Variants in SCNN1D observed in about 807,000 individuals in gnomAD.
SCNN1D encodes sodium channel epithelial 1 subunit delta.
A neutral mutation model predicts 87.8 loss-of-function variants in SCNN1D; 104 were observed. That is an observed-to-expected ratio of 1.18 (90% confidence interval 1.01 to 1.39). The LOEUF (loss-of-function observed/expected upper bound fraction) is 1.39. Ranked by LOEUF, SCNN1D falls within the 40% of genes most tolerant of loss-of-function variation. The pLI is 0.00. For missense variants in SCNN1D, 1,324 were observed against 1,093.9 expected, an observed-to-expected ratio of 1.21 and a Z score of -2.97; for synonymous variants, 628 against 481.2, an observed-to-expected ratio of 1.31 and a Z score of -3.99.
At chr1:1,286,329 C>A in intron 7 of SCNN1D, 51 bp downstream of exon 7, 1 of 1,405,630 alleles carries the variant, frequency 7.1e-7, no homozygotes, top group Non-Finnish European at 9.6e-7. Context: ...GCTCCTTGCC[C>A]CTGTGACCGT....
chr1:1,286,272 C>T lies in SCNN1D; in HGVS notation c.905C>T (p.Pro302Leu), dbSNP rs1445895852. 1.3e-6 allele frequency: 2 copies of T among 1,579,306 alleles called. No individual in the cohort carries two copies. Among genetic ancestry groups the T allele is most frequent in the Non-Finnish European group, 1.7e-6 (2 of 1,167,280 alleles). Residue 302 changes from proline to leucine, a missense_variant, in exon 7 of 18, where the codon CCA becomes CTA. By Grantham distance (98) the Pro-to-Leu change is moderately conservative. Transcript: ENST00000379116. Reference protein sequence around the residue: ...LPLVTLCDGNPRRPSPVLRHL... With the variant: ...LPLVTLCDGNLRRPSPVLRHL... ...CTGGTCACCCTGTGTGACGGGAACC[C>T]ACGTCGGTGAGGGCCAGGGCTGTCG...
In SCNN1D at chr1:1,285,985, G is replaced by A. The variant is rs984534227; in HGVS notation, c.618G>A (p.Lys206=). 1 of 1,559,390 alleles carries A rather than the reference G, an allele frequency of 6.4e-7. No homozygotes were observed. The highest frequency in any genetic ancestry group is 1.4e-5 in the African/African-American group (1 of 73,430). ...CATCAGCACCACCACCACCACCCAA[G>A]GAGGGGCACCAGGAGGGGCTGGTGG... ...GPPSAPPPPP[K]EGHQEGLVEL... Residue 206 remains lysine (K), a synonymous_variant, in exon 7 of 18, where the codon AAG becomes AAA. Transcript: ENST00000379116.
intron 5 of SCNN1D, 117 bp from the exon 6 acceptor site, chr1:1,285,454 G>C: frequency 1.5e-6 from 1 of 684,138 alleles, no homozygotes. Context: ...TCCTCAGCAG[G>C]CCACACTGGG....
chr1:1,291,274 C>A lies in SCNN1D; in HGVS notation c.2073C>A (p.Ala691=). The change falls in exon 18 of 18, where the codon GCC becomes GCA. Residue 691 remains alanine, a synonymous_variant. Coordinates refer to ENST00000379116, the MANE Select transcript of SCNN1D (RefSeq NM_001130413.4). ...CGCAGGTGCCGCAGCTGCTCTCGGC[C>A]ATGGGCAGCCTCTGCAGCCTGTGGT... The part of the protein sequence containing the change: ...PVYSVPQLLS[A]MGSLCSLWFG... 6.4e-7 allele frequency: 1 copy of A among 1,563,902 alleles called. No individual in the cohort carries two copies. The highest frequency in any genetic ancestry group is 1.4e-5 in the African/African-American group (1 of 73,702).
chr1:1,281,546 T>C lies in SCNN1D; in HGVS notation c.213T>C (p.Ala71=). Residue 71 remains alanine, a synonymous_variant, in exon 3 of 18, where the codon GCT becomes GCC. Transcript: ENST00000379116. ...RGGGPCGFTS[A]GHVLCGYPLC... ...GAGGACCATGTGGATTCACCAGTGC[T>C]GGACATGTGCTCTGTGGCTACCCCC... 6.5e-7 allele frequency: 1 copy of C among 1,535,784 alleles called. No homozygotes were observed. Among genetic ancestry groups the C allele is most frequent in the South Asian group, 1.2e-5 (1 of 84,066 alleles).
intron 12 of SCNN1D, among the ~76,000 whole-genome samples, 185 bp downstream of exon 12, chr1:1,288,222 C>CCT (rs1491260260): frequency 2.0e-3 from 262 of 129,532 alleles, no homozygotes; most frequent in African/African-American, 7.3e-3. Flanking sequence ...TGCTCCGTCC[C>CCT]GTGTCTCTGC....
chr1:1,281,252 CGCTCCCTCGTTACCTGTG>C lies in SCNN1D; in HGVS notation c.35_52del (p.Leu12_Trp17del). On this transcript the variant is annotated inframe_deletion, in exon 2 of 18. Transcript: ENST00000379116. ...GCAGTGCTGTCACAGAAGACAACAC[CGCTCCCTCGTTACCTGTG>C]GCCCGGCCACCTCAGCGGCCCAAGG... 1 of 1,535,708 alleles carries C rather than the reference CGCTCCCTCGTTACCTGTG, an allele frequency of 6.5e-7. No homozygotes were observed. Among genetic ancestry groups the C allele is most frequent in the Non-Finnish European group, 8.7e-7 (1 of 1,146,812 alleles).
At chr1:1,281,176 A>T in intron 1 of SCNN1D, 50 bp from the exon 2 acceptor site, 1 of 1,504,992 alleles carries the variant, frequency 6.6e-7, no homozygotes, top group South Asian at 1.2e-5. Context: ...GCTCTGGGAT[A>T]GGAGGTCCTG....
At chr1:1,288,492 G>A (rs1312373768) in intron 12 of SCNN1D, among the ~76,000 whole-genome samples, 7 of 108,126 alleles carry the variant, frequency 6.5e-5, no homozygotes, top group Non-Finnish European at 3.6e-5. Flanking sequence ...TCTCTGCTCC[G>A]TCCCGTGTCT....
intron 2 of SCNN1D, 21 bp from the exon 3 acceptor site, chr1:1,281,390 C>T: frequency 6.6e-7 from 1 of 1,526,468 alleles, no homozygotes; most frequent in Non-Finnish European, 8.8e-7. Context: ...GGGATGCCTG[C>T]CCGTCCCTTC....
Position 1,291,032 on chromosome 1 carries a change from GGCCAGCGCCCTCAT to G in SCNN1D, c.1977-29_1977-16del. ...CCCCCCTCCCCATCATGAAGGTCTG[GGCCAGCGCCCTCAT>G]GCCTCTATCCTGCCCCAGGAGCAGC... On this transcript the variant is annotated intron_variant, in intron 16 of 17. Coordinates refer to ENST00000379116, the MANE Select transcript of SCNN1D (RefSeq NM_001130413.4). The G allele has an allele frequency of 6.2e-7, 1 of 1,606,404 alleles. No individual in the cohort carries two copies. Among genetic ancestry groups the G allele is most frequent in the South Asian group, 1.1e-5 (1 of 90,128 alleles).
intron 4 of SCNN1D, among the ~76,000 whole-genome samples, chr1:1,283,043 C>T (rs1227712227): frequency 1.3e-5 from 2 of 152,134 alleles, no homozygotes; most frequent in Non-Finnish European, 1.5e-5. Context: ...TGAGCCACCG[C>T]GCCTGGTGGT....
chr1:1,285,430 C>T, intron 5 of SCNN1D, 141 bp from the exon 6 acceptor site: 1 of 591,572 alleles, frequency 1.7e-6, no homozygotes. Context: ...GCTGGATGGG[C>T]CTGGCACAGT....
intron 12 of SCNN1D, among the ~76,000 whole-genome samples, 156 bp downstream of exon 12, chr1:1,288,193 G>A (rs563122301): frequency 3.3e-5 from 5 of 150,854 alleles, no homozygotes; most frequent in Admixed American, 2.6e-4. Context: ...CCGTGTCCCC[G>A]CTCCATTCCC....
In SCNN1D at chr1:1,292,003, C is replaced by G. The variant is rs1640837098; in HGVS notation, c.*393C>G. 5.9e-6 allele frequency: 1 copy of G among 170,818 alleles called. No homozygotes were observed. Among genetic ancestry groups the G allele is most frequent in the Non-Finnish European group, 1.2e-5 (1 of 80,036 alleles). 10.6% of individuals were successfully genotyped at this position (170,818 alleles called of 1,614,324 possible). A position where few individuals can be genotyped will look rare whatever the true frequency, so the allele number is the denominator to read the frequency against. ...GCCCCACGGACACACTTGGGCTGCTCTGAAATAAAGCTGTTGACTCCACCT... is the reference window on the plus strand; with the variant it reads ...GCCCCACGGACACACTTGGGCTGCTGTGAAATAAAGCTGTTGACTCCACCT... On this transcript the variant is annotated 3_prime_UTR_variant, in exon 18 of 18. Transcript: ENST00000379116.
rs1553160729 is a variant in SCNN1D at position 1,291,682 on chromosome 1, G to GGCCCAGGGTGGGCCAGACCAGCA, written c.*80_*102dup. On this transcript the variant is annotated 3_prime_UTR_variant, in exon 18 of 18. Transcript: ENST00000379116. ...CTGTGGCAGCAGCAGGCTCCCCAGCGGCCCAGGGTGGGCCAGACCAGCAGC... is the reference window on the plus strand; with the variant it reads ...CTGTGGCAGCAGCAGGCTCCCCAGCGGCCCAGGGTGGGCCAGACCAGCAGCCCAGGGTGGGCCAGACCAGCAGC... 2.4e-6 allele frequency: 3 copies of GGCCCAGGGTGGGCCAGACCAGCA among 1,239,130 alleles called. No individual in the cohort carries two copies. The African/African-American group carries it at 4.6e-5, about 19-fold the overall frequency. 76.8% of individuals were successfully genotyped at this position (1,239,130 alleles called of 1,614,324 possible).
At position 1,287,933 on chromosome 1, in the gene SCNN1D, T is replaced by G; in HGVS notation, c.1564-6T>G. ...GGGCCCATGGAACTGAAGCGTCCCC[T>G]CCCAGGACGAGGTGCACCGGCTCGG... On this transcript the variant is annotated splice_polypyrimidine_tract_variant and splice_region_variant and intron_variant, in intron 11 of 17. Transcript: ENST00000379116. 1.3e-6 allele frequency: 2 copies of G among 1,539,916 alleles called. No homozygotes were observed. Among genetic ancestry groups the G allele is most frequent in the Non-Finnish European group, 1.8e-6 (2 of 1,140,220 alleles).
chr1:1,281,480 C>G lies in SCNN1D; in HGVS notation c.147C>G (p.Thr49=). ...TCRELGSPHP[T]PCTGPARGWP... ...GGGAGCTGGGTTCGCCCCACCCCAC[C>G]CCCTGCACCGGGCCAGCGAGGGGAT... Residue 49 remains threonine (T), a synonymous_variant, in exon 3 of 18, where the codon ACC becomes ACG. Coordinates refer to ENST00000379116, the MANE Select transcript of SCNN1D (RefSeq NM_001130413.4). The G allele has an allele frequency of 6.6e-7, 1 of 1,525,230 alleles. No individual in the cohort carries two copies. The highest frequency in any genetic ancestry group is 8.8e-7 in the Non-Finnish European group (1 of 1,141,366). 94.5% of individuals were successfully genotyped at this position (1,525,230 alleles called of 1,614,324 possible).
intron 7 of SCNN1D, 38 bp downstream of exon 7, chr1:1,286,316 C>G: frequency 6.9e-7 from 1 of 1,451,144 alleles, no homozygotes; most frequent in Non-Finnish European, 9.3e-7. Flanking sequence ...GGTGGCCGCC[C>G]CAGCTCCTTG....
Sources: gnomAD v4.1 joint callset for allele counts (sites outside exome capture counted in the v4.1 genomes callset) on GRCh38, gnomAD v4.1.1 for gene constraint, MANE v1.5 for transcripts, NCBI Gene and HGNC (gene_info 2026-07-23, HGNC 2026-07-21) for gene names.